ADCYAP1: variants seen among roughly 807,000 people sequenced by gnomAD.
ADCYAP1 encodes pituitary adenylate cyclase-activating polypeptide.
Under a neutral mutation model 18.5 loss-of-function variants are expected in ADCYAP1, and 6 were observed. The observed-to-expected ratio is 0.32, with a 90% CI of 0.18 to 0.64. The LOEUF is 0.64. ADCYAP1 is among the 30% of genes least tolerant of loss of function. The pLI is 0.77. For synonymous variants in ADCYAP1, 136 were observed against 113.9 expected, an observed-to-expected ratio of 1.19 and a Z score of -1.24; for missense variants, 314 against 253.6, an observed-to-expected ratio of 1.24 and a Z score of -1.62.
At chr18:907,852 G>GGGGCA in intron 3 of ADCYAP1, 62 bp downstream of exon 3, 1 of 1,407,206 alleles carries the variant, frequency 7.1e-7, no homozygotes, top group South Asian at 1.6e-5. Flanking sequence ...GGTGACGGGA[G>GGGGCA]GGGCAGTGTG....
In ADCYAP1 at chr18:909,697, C is replaced by G. The variant is rs1248655028; in HGVS notation, c.*62C>G. On this transcript the variant is annotated 3_prime_UTR_variant, in exon 5 of 5. Coordinates refer to ENST00000450565, the MANE Select transcript of ADCYAP1 (RefSeq NM_001099733.2). ...ACGCAATGAAAAGTCGTTTTCCAAA[C>G]TGACTCAACAGTCATCGCTCGTGTG... The G allele has an allele frequency of 6.7e-7, 1 of 1,494,384 alleles. No homozygotes were observed. Among genetic ancestry groups the G allele is most frequent in the Non-Finnish European group, 9.2e-7 (1 of 1,089,340 alleles). 92.6% of individuals were successfully genotyped at this position (1,494,384 alleles called of 1,614,324 possible).
intron 2 of ADCYAP1, among the ~76,000 whole-genome samples, chr18:906,946 C>T (rs1300126710): frequency 6.6e-6 from 1 of 152,248 alleles, no homozygotes; most frequent in Non-Finnish European, 1.5e-5. Flanking sequence ...ACCCTGGTTT[C>T]ACCCTCAGCT....
chr18:905,684 C>T (rs1909142507), intron 2 of ADCYAP1, 188 bp downstream of exon 2: 1 of 707,604 alleles, frequency 1.4e-6, no homozygotes, highest in East Asian at 2.8e-5. Flanking sequence ...GCAGGCTCCG[C>T]GACTGCTCGG....
Position 911,325 on chromosome 18 carries a change from A to C in ADCYAP1, c.*1690A>C, listed in dbSNP as rs1043476277. On this transcript the variant is annotated 3_prime_UTR_variant, in exon 5 of 5. Transcript: ENST00000450565. ...TCACCCAGCAATCAGATCGAGCAGC[A>C]ACAGACAAACCAGCCAGCCAATCTC... is the stretch of plus-strand genomic sequence containing the variant. 1 of 151,988 alleles carries C rather than the reference A, an allele frequency of 6.6e-6. No homozygotes were observed. The highest frequency in any genetic ancestry group is 2.4e-5 in the African/African-American group (1 of 41,364). The allele number at this position is 151,988 out of a possible 1,614,324, so 9.4% of individuals were successfully genotyped here. A position where few individuals can be genotyped will look rare whatever the true frequency, so the allele number is the denominator to read the frequency against.
chr18:907,453 C>T, intron 2 of ADCYAP1: 1 of 454,086 alleles, frequency 2.2e-6, no homozygotes, highest in Non-Finnish European at 3.7e-6. Flanking sequence ...GGGGGGTGGG[C>T]GGGCCGCCCG....
At chr18:904,450 C>T (rs1402374270), upstream of ADCYAP1, 3 of 1,288,654 alleles carry the variant, frequency 2.3e-6, no homozygotes, top group Middle Eastern at 2.1e-4. Context: ...CAGATGTTGA[C>T]AAAGAGGGCT....
In ADCYAP1 at chr18:909,661, A is replaced by G; in HGVS notation, c.*26A>G. 6.2e-7 allele frequency: 1 copy of G among 1,603,552 alleles called. No homozygotes were observed. Among genetic ancestry groups the G allele is most frequent in the Non-Finnish European group, 8.5e-7 (1 of 1,172,606 alleles). ...CGATGGGTTACCAGCTACCCTGTGT[A>G]TACAGCCCTGACGCAATGAAAAGTC... is the stretch of plus-strand genomic sequence containing the variant. On this transcript the variant is annotated 3_prime_UTR_variant, in exon 5 of 5. Transcript: ENST00000450565.
chr18:904,503 A>G (rs1909080758), upstream of ADCYAP1: 1 of 1,289,190 alleles, frequency 7.8e-7, no homozygotes. Flanking sequence ...AACTGCACAG[A>G]TAAATAGGAG....
At chr18:905,768 C>T in intron 2 of ADCYAP1, 1 of 493,416 alleles carries the variant, frequency 2.0e-6, no homozygotes, top group Non-Finnish European at 3.6e-6. Flanking sequence ...GAGAACCCCC[C>T]CTCCCCCAAC....
upstream of ADCYAP1, chr18:904,526 C>G (rs1434685046): frequency 2.3e-6 from 3 of 1,289,194 alleles, no homozygotes; most frequent in Admixed American, 6.9e-5. Flanking sequence ...GAAGGCCGGT[C>G]ACCTCTGTAA....
In ADCYAP1 at chr18:904,874, A is replaced by G. The variant is rs1909097825; in HGVS notation, c.-188A>G. 1 of 1,288,002 alleles carries G rather than the reference A, an allele frequency of 7.8e-7. No individual in the cohort carries two copies. Among genetic ancestry groups the G allele is most frequent in the Non-Finnish European group, 1.0e-6 (1 of 987,752 alleles). 79.8% of individuals were successfully genotyped at this position (1,288,002 alleles called of 1,614,324 possible). ...GCGCGTCTACAAACTTTTGAGCAGA[A>G]CACGAGCCTCGGCAAACGAGTCCCG... On this transcript the variant is annotated 5_prime_UTR_variant, in exon 1 of 5. Transcript: ENST00000450565.
At chr18:905,522 C>G (rs975425690) in intron 2 of ADCYAP1, 26 bp downstream of exon 2, 8 of 1,601,906 alleles carry the variant, frequency 5.0e-6, no homozygotes, top group Non-Finnish European at 6.8e-6. Flanking sequence ...CTGGCCCAAG[C>G]AGGAGCTGGG....
chr18:907,892 C>G (rs1909238720), intron 3 of ADCYAP1, 102 bp downstream of exon 3: 1 of 1,331,686 alleles, frequency 7.5e-7, no homozygotes, highest in African/African-American at 1.6e-5. Flanking sequence ...TTTTTTTTTC[C>G]CGTGAAAGTC....
intron 2 of ADCYAP1, among the ~76,000 whole-genome samples, chr18:907,205 C>T (rs944304620): frequency 1.3e-5 from 2 of 152,242 alleles, no homozygotes; most frequent in Non-Finnish European, 2.9e-5. Context: ...CCCGCACGCC[C>T]CACGCATCCT....
At chr18:906,572 G>C (rs1448350978) in intron 2 of ADCYAP1, 1 of 152,454 alleles carries the variant, frequency 6.6e-6, no homozygotes. Context: ...CCGGGCCAGG[G>C]CTGAGGCGCA....
chr18:907,449 T>A, intron 2 of ADCYAP1: 1 of 387,202 alleles, frequency 2.6e-6, no homozygotes, highest in Non-Finnish European at 4.2e-6. Context: ...GAAGGGGGGG[T>A]GGGCGGGCCG....
chr18:905,346 C>T (rs756261455), intron 1 of ADCYAP1, 40 bp from the exon 2 acceptor site: 6 of 1,605,474 alleles, frequency 3.7e-6, no homozygotes, highest in Non-Finnish European at 4.2e-6. Flanking sequence ...AGGCCAGGGG[C>T]GTTCTCACAG....
intron 1 of ADCYAP1, 54 bp from the exon 2 acceptor site, chr18:905,332 T>C: frequency 6.3e-7 from 1 of 1,589,660 alleles, no homozygotes. Flanking sequence ...GGTTGGAGGG[T>C]GGGAGGCCAG....
Position 905,202 on chromosome 18 carries a change from T to TA in ADCYAP1, c.-2+142_-2+143insA, listed in dbSNP as rs1234115809. 1,295 of 1,412,524 alleles carry TA rather than the reference T, an allele frequency of 9.2e-4. 1 individual carries two copies. Among genetic ancestry groups the TA allele is most frequent in the Admixed American group, 1.4e-3 (47 of 34,094 alleles). 87.5% of individuals were successfully genotyped at this position (1,412,524 alleles called of 1,614,324 possible). ...GCCGGGTAGATGCATATATATATAT[T>TA]TTTTTCTAACTATAGCAAGCAAGAA... On this transcript the variant is annotated intron_variant, in intron 1 of 4. Transcript: ENST00000450565.
Sources: allele counts gnomAD v4.1 joint callset (sites outside exome capture counted in the v4.1 genomes callset), GRCh38; gene constraint gnomAD v4.1.1; transcripts MANE v1.5; gene names NCBI Gene and HGNC (gene_info 2026-07-23, HGNC 2026-07-21).